The following NXPH1 variants were observed in gnomAD, a reference collection of about 807,000 sequenced individuals.
NXPH1 encodes neurexophilin 1.
Under a neutral mutation model 23.7 loss-of-function variants are expected in NXPH1, and 5 were observed. The ratio of observed to expected loss-of-function variants is 0.21; its 90% confidence interval spans 0.11 to 0.44. The LOEUF is 0.44. Ranked by LOEUF, NXPH1 falls within the 20% of genes least tolerant of loss-of-function variation. NXPH1 has a pLI of 0.99. For missense variants in NXPH1, 324 were observed against 321.6 expected (o/e 1.01, Z -0.06); for synonymous variants, 144 against 122.2 (o/e 1.18, Z -1.18).
rs552663374 is a variant in NXPH1 at position 8,598,956 on chromosome 7, TTCATTTATTCA to T, written c.55-152049_55-152039del. ...TGTCTCTTTGAGACATTTCAATTTG[TTCATTTATTCA>T]TCCAAACTTTTATGCATAAGGCATT... On this transcript the variant is annotated intron_variant, in intron 2 of 2. Coordinates refer to ENST00000405863, the MANE Select transcript of NXPH1 (RefSeq NM_152745.3). 5.3e-4 allele frequency among the ~76,000 whole-genome samples: 80 copies of T among 152,278 alleles called. 1 individual carries two copies. Among genetic ancestry groups the T allele is most frequent in the South Asian group, 4.3e-3 (21 of 4,830 alleles).
At chr7:8,725,441 G>C in intron 2 of NXPH1, among the ~76,000 whole-genome samples, 1 of 147,480 alleles carries the variant, frequency 6.8e-6, no homozygotes, top group South Asian at 2.1e-4. Flanking sequence ...AGTGAGCTGA[G>C]ATCCAGCCAC....
At chr7:8,633,810 C>G (rs1472382949) in intron 2 of NXPH1, among the ~76,000 whole-genome samples, 1 of 152,100 alleles carries the variant, frequency 6.6e-6, no homozygotes, top group Non-Finnish European at 1.5e-5. Flanking sequence ...TTGTGGATGA[C>G]AAAACTGAGG....
At chr7:8,517,609 C>G (rs985315443) in intron 2 of NXPH1, among the ~76,000 whole-genome samples, 3 of 152,116 alleles carry the variant, frequency 2.0e-5, no homozygotes, top group Non-Finnish European at 4.4e-5. Context: ...AGGGATATTT[C>G]TCTTTAAAGA....
intron 2 of NXPH1, among the ~76,000 whole-genome samples, chr7:8,498,539 T>C (rs980392731): frequency 1.3e-5 from 2 of 152,106 alleles, no homozygotes; most frequent in African/African-American, 2.4e-5. Context: ...CAGGATGAGA[T>C]TGATTGTTTT....
chr7:8,610,640 C>T lies in NXPH1; in HGVS notation c.55-140368C>T, dbSNP rs79307753. Among the ~76,000 whole-genome samples, 467 of 151,946 alleles carry T rather than the reference C, an allele frequency of 3.1e-3. 4 individuals carry two copies. The highest frequency in any genetic ancestry group is 0.011 in the African/African-American group (451 of 41,442). ...TGTAGATCCCCAGATGATAACAGGG[C>T]TATTTCTGGGTGGTATGATTACAAC... On this transcript the variant is annotated intron_variant, in intron 2 of 2. Coordinates refer to ENST00000405863, the MANE Select transcript of NXPH1 (RefSeq NM_152745.3).
chr7:8,448,835 A>T (rs1479059571), intron 2 of NXPH1, among the ~76,000 whole-genome samples: 1 of 151,754 alleles, frequency 6.6e-6, no homozygotes, highest in African/African-American at 2.4e-5. Flanking sequence ...AAAAAAAAAA[A>T]AAAAAAGGAC....
intron 2 of NXPH1, among the ~76,000 whole-genome samples, chr7:8,448,583 G>A (rs1816446280): frequency 6.6e-6 from 1 of 152,150 alleles, no homozygotes; most frequent in African/African-American, 2.4e-5. Flanking sequence ...TTGGGAGGCC[G>A]AGGCGGGCGG....
intron 2 of NXPH1, among the ~76,000 whole-genome samples, chr7:8,564,904 A>G (rs542163095): frequency 6.6e-6 from 1 of 151,972 alleles, no homozygotes; most frequent in East Asian, 1.9e-4. Context: ...ATTCAACACT[A>G]CAATGCCAGT....
intron 2 of NXPH1, among the ~76,000 whole-genome samples, chr7:8,460,969 C>A (rs922220661): frequency 6.6e-6 from 1 of 152,208 alleles, no homozygotes; most frequent in East Asian, 1.9e-4. Flanking sequence ...ATTTCCCTTA[C>A]TTTTGGCTAT....
At chr7:8,686,430 A>G (rs899994148) in intron 2 of NXPH1, among the ~76,000 whole-genome samples, 25 of 152,198 alleles carry the variant, frequency 1.6e-4, no homozygotes, top group Non-Finnish European at 2.8e-4. Context: ...CATGCAAATA[A>G]TGCAGAAAAT....
chr7:8,527,837 C>A (rs6975822), intron 2 of NXPH1, among the ~76,000 whole-genome samples: 1 of 152,176 alleles, frequency 6.6e-6, no homozygotes. Context: ...ACTTGATACA[C>A]TTTTTAGTGT....
rs185081259 is a variant in NXPH1 at position 8,599,854 on chromosome 7, G to C, written c.55-151154G>C. ...GGGAGGGATTGTTGGTATTAGTTTA[G>C]TAGCAAATATAATTTTCATCTTTAG... On this transcript the variant is annotated intron_variant, in intron 2 of 2. Coordinates refer to ENST00000405863, the MANE Select transcript of NXPH1 (RefSeq NM_152745.3). Among the ~76,000 whole-genome samples the C allele has an allele frequency of 8.1e-4, 121 of 149,636 alleles. 1 individual carries two copies. The South Asian group carries it at 8.9e-3, about 11-fold the overall frequency.
chr7:8,598,822 A>G (rs940126343), intron 2 of NXPH1, among the ~76,000 whole-genome samples: 3 of 152,112 alleles, frequency 2.0e-5, no homozygotes, highest in Non-Finnish European at 2.9e-5. Flanking sequence ...TTTTCTCTGT[A>G]TAGCCTGGTA....
At chr7:8,635,488 C>G (rs1820205059) in intron 2 of NXPH1, among the ~76,000 whole-genome samples, 1 of 152,112 alleles carries the variant, frequency 6.6e-6, no homozygotes, top group African/African-American at 2.4e-5. Context: ...TGATTGGTTT[C>G]TGGTATTTCC....
chr7:8,721,310 A>G (rs1779966313), intron 2 of NXPH1, among the ~76,000 whole-genome samples: 1 of 152,184 alleles, frequency 6.6e-6, no homozygotes, highest in African/African-American at 2.4e-5. Flanking sequence ...AAATGAAACT[A>G]ATTGGTGAAT....
At chr7:8,544,853 T>C (rs1168428264) in intron 2 of NXPH1, among the ~76,000 whole-genome samples, 1 of 151,640 alleles carries the variant, frequency 6.6e-6, no homozygotes. Flanking sequence ...CTTTAGAAAA[T>C]GTAAATACAT....
chr7:8,544,862 A>C lies in NXPH1; in HGVS notation c.54+109095A>C, dbSNP rs192424061. On this transcript the variant is annotated intron_variant, in intron 2 of 2. Transcript: ENST00000405863. ...TATACCCTTTAGAAAATGTAAATAC[A>C]TATAGTGCTTTGTTATATGCAATGT... Among the ~76,000 whole-genome samples the C allele has an allele frequency of 5.7e-3, 867 of 151,748 alleles. 9 individuals carry two copies. The highest frequency in any genetic ancestry group is 8.2e-3 in the Non-Finnish European group (556 of 67,690).
chr7:8,520,317 A>T (rs1207045216), intron 2 of NXPH1, among the ~76,000 whole-genome samples: 1 of 152,200 alleles, frequency 6.6e-6, no homozygotes, highest in Non-Finnish European at 1.5e-5. Flanking sequence ...TTTAAGGGGA[A>T]AAGCAGCAGC....
chr7:8,555,603 T>G (rs560005756), intron 2 of NXPH1, among the ~76,000 whole-genome samples: 1 of 151,582 alleles, frequency 6.6e-6, no homozygotes, highest in African/African-American at 2.4e-5. Context: ...GCACACCAGG[T>G]TGTAAAAGCT....
Sources: gnomAD v4.1 joint callset for allele counts (sites outside exome capture counted in the v4.1 genomes callset) on GRCh38, gnomAD v4.1.1 for gene constraint, MANE v1.5 for transcripts, NCBI Gene and HGNC (gene_info 2026-07-23, HGNC 2026-07-21) for gene names.